LIPC: variants seen among roughly 807,000 people sequenced by gnomAD.
The protein encoded by LIPC is hepatic triacylglycerol lipase.
In LIPC, 44 loss-of-function variants were observed where a neutral mutation model predicts 50.7. That is an observed-to-expected ratio of 0.87 (90% confidence interval 0.68 to 1.11). LIPC has a LOEUF of 1.11. LIPC is among the 50% of genes most tolerant of loss of function. The probability of loss-of-function intolerance (pLI) is 0.00; values close to 1 mark genes in which losing one functional copy is unlikely to be tolerated. For missense variants in LIPC, 697 were observed against 648.2 expected (o/e 1.08, Z -0.82); for synonymous variants, 271 against 256.4 (o/e 1.06, Z -0.54).
intron 1 of LIPC, among the ~76,000 whole-genome samples, chr15:58,511,027 G>A (rs757693657): frequency 3.3e-5 from 5 of 152,270 alleles, no homozygotes; most frequent in Non-Finnish European, 5.9e-5. Flanking sequence ...GTATATTTAC[G>A]GATGAAGAGA....
chr15:58,536,556 T>C (rs1468192013), intron 1 of LIPC, among the ~76,000 whole-genome samples: 3 of 152,092 alleles, frequency 2.0e-5, no homozygotes, highest in Admixed American at 2.0e-4. Context: ...TTTGGACTGA[T>C]CGAGAAGCTG....
rs1478193693 is a variant in LIPC, at chr15:58,548,527, A to G, written c.1006A>G (p.Ser336Gly). 1.2e-6 allele frequency: 2 copies of G among 1,600,138 alleles called. No individual in the cohort carries two copies. Among genetic ancestry groups the G allele is most frequent in the Non-Finnish European group, 8.5e-7 (1 of 1,173,024 alleles). Reference protein sequence around the residue: ...YHVRQEPRSKSKRLFLVTRAQ... With the variant: ...YHVRQEPRSKGKRLFLVTRAQ... Reference sequence around the variant, plus strand: ...CGTCCGCCAGGAGCCGCGGAGCAAGAGCAAGAGGCTCTTCCTCGTAACGCG... The same window carrying G: ...CGTCCGCCAGGAGCCGCGGAGCAAGGGCAAGAGGCTCTTCCTCGTAACGCG... Residue 336 changes from serine (S) to glycine (G), a missense_variant, in exon 6 of 9, where the codon AGC becomes GGC. Physicochemically the swap from Ser to Gly is moderately conservative, Grantham distance 56. Transcript: ENST00000299022.
chr15:58,458,172 G>GA (rs34752323), intron 1 of LIPC, among the ~76,000 whole-genome samples: 39 of 149,968 alleles, frequency 2.6e-4, no homozygotes, highest in African/African-American at 7.6e-4. Context: ...AATTGCTGGA[G>GA]AAAAAAAAAA....
intron 1 of LIPC, chr15:58,456,349 G>C (rs545799440): frequency 2.0e-5 from 3 of 152,352 alleles, no homozygotes; most frequent in African/African-American, 7.2e-5. Context: ...CTGTGTGATA[G>C]TATGATAGCT....
intron 1 of LIPC, among the ~76,000 whole-genome samples, chr15:58,460,563 T>C (rs1455115260): frequency 6.6e-6 from 1 of 152,206 alleles, no homozygotes; most frequent in African/African-American, 2.4e-5. Flanking sequence ...AAGGGAGCTC[T>C]TAGAATAACG....
At position 58,503,836 on chromosome 15, in the gene LIPC, A is replaced by T. The variant is rs148851488; in HGVS notation, c.89-34497A>T. On this transcript the variant is annotated intron_variant, in intron 1 of 8. Transcript: ENST00000299022. ...TAGGCATGCCAGGCAGGTCTCCAGC[A>T]GCCTCTGAGTTTCCAGGCACAGGGC... is the stretch of plus-strand genomic sequence containing the variant. 3.7e-3 allele frequency among the ~76,000 whole-genome samples: 565 copies of T among 152,284 alleles called. 5 individuals are homozygous for T. Among genetic ancestry groups the T allele is most frequent in the African/African-American group, 0.013 (540 of 41,550 alleles).
intron 5 of LIPC, among the ~76,000 whole-genome samples, chr15:58,547,073 T>G (rs2242064): frequency 0.6 from 91,234 of 151,976 alleles, 28,542 homozygotes; most frequent in South Asian, 0.73. Context: ...GGCTTTATTT[T>G]CCTGGTAAAC....
chr15:58,508,510 G>A (rs368162088), intron 1 of LIPC, among the ~76,000 whole-genome samples: 5 of 152,104 alleles, frequency 3.3e-5, no homozygotes, highest in South Asian at 2.1e-4. Context: ...AATACGAAAC[G>A]CCTTTCCTAG....
In LIPC at chr15:58,445,131, GA is replaced by G. The variant is rs542988162; in HGVS notation, c.88+13012del. 8.5e-5 allele frequency among the ~76,000 whole-genome samples: 13 copies of G among 152,332 alleles called. No individual in the cohort carries two copies. The South Asian group carries it at 2.3e-3, about 27-fold the overall frequency. ...GGGGGCTCAGGGAGCCTGGGCTGGG[GA>G]GAGGCATCCTCCCTCTTCAACAGAA... On this transcript the variant is annotated intron_variant, in intron 1 of 8. Coordinates refer to ENST00000299022, the MANE Select transcript of LIPC (RefSeq NM_000236.3).
rs187047187 is a variant in LIPC at position 58,527,000 on chromosome 15, A to T, written c.89-11333A>T. On this transcript the variant is annotated intron_variant, in intron 1 of 8. Transcript: ENST00000299022. ...GCCACTCCACTACCCTGCCTCTGCC[A>T]TTGCTCCCTATGGCAACCTGGAAAC... is the stretch of plus-strand genomic sequence containing the variant. 4.7e-3 allele frequency among the ~76,000 whole-genome samples: 719 copies of T among 152,250 alleles called. 3 individuals carry two copies. Among genetic ancestry groups the T allele is most frequent in the African/African-American group, 0.017 (698 of 41,536 alleles).
intron 1 of LIPC, among the ~76,000 whole-genome samples, chr15:58,441,926 T>A (rs1893521071): frequency 1.3e-5 from 2 of 152,194 alleles, no homozygotes; most frequent in Non-Finnish European, 2.9e-5. Context: ...GGAGGGTCTG[T>A]GCTGCACATG....
intron 1 of LIPC, chr15:58,521,940 G>C (rs1316963824): frequency 6.6e-6 from 1 of 151,374 alleles, no homozygotes; most frequent in Non-Finnish European, 1.5e-5. Flanking sequence ...TTTCCTTCCT[G>C]GTTGTGTGAG....
At chr15:58,515,029 C>T (rs961918868) in intron 1 of LIPC, among the ~76,000 whole-genome samples, 1 of 152,154 alleles carries the variant, frequency 6.6e-6, no homozygotes, top group African/African-American at 2.4e-5. Flanking sequence ...CTTCTAGAGG[C>T]CACCTACGTT....
Position 58,432,131 on chromosome 15 carries a change from G to C in LIPC, c.88+11G>C. 1 of 1,593,588 alleles carries C rather than the reference G, an allele frequency of 6.3e-7. No individual in the cohort carries two copies. Among genetic ancestry groups the C allele is most frequent in the Non-Finnish European group, 8.6e-7 (1 of 1,161,416 alleles). On this transcript the variant is annotated intron_variant, in intron 1 of 8. Coordinates refer to ENST00000299022, the MANE Select transcript of LIPC (RefSeq NM_000236.3). ...AAAGCCTGAAACCAGGTAAGAGCCTGACTTTTCTCCAGAGATGGGCATGAA... is the reference window on the plus strand; with the variant it reads ...AAAGCCTGAAACCAGGTAAGAGCCTCACTTTTCTCCAGAGATGGGCATGAA...
chr15:58,460,709 G>A (rs765715555), intron 1 of LIPC, among the ~76,000 whole-genome samples: 18 of 152,226 alleles, frequency 1.2e-4, no homozygotes, highest in Non-Finnish European at 2.1e-4. Context: ...TTTCCTACTC[G>A]CCATGATGTT....
At chr15:58,490,379 C>T (rs1891545056) in intron 1 of LIPC, among the ~76,000 whole-genome samples, 1 of 152,202 alleles carries the variant, frequency 6.6e-6, no homozygotes, top group African/African-American at 2.4e-5. Flanking sequence ...AGCGTATCTC[C>T]TCCGGCTAAT....
intron 8 of LIPC, chr15:58,565,727 T>C (rs1435702963): frequency 8.1e-6 from 8 of 993,570 alleles, no homozygotes; most frequent in African/African-American, 1.7e-5. Context: ...GTTCCATTAA[T>C]CTGAATTTTC....
At chr15:58,562,110 A>C (rs995199631) in intron 7 of LIPC, among the ~76,000 whole-genome samples, 4 of 152,216 alleles carry the variant, frequency 2.6e-5, no homozygotes, top group Non-Finnish European at 5.9e-5. Flanking sequence ...TCTTTTTGTG[A>C]ACATAAATAA....
intron 5 of LIPC, among the ~76,000 whole-genome samples, chr15:58,547,235 C>T (rs1293402972): frequency 6.6e-6 from 1 of 152,204 alleles, no homozygotes; most frequent in Admixed American, 6.5e-5. Context: ...GTAGTTCTCC[C>T]AGCCACAGCT....
Sources: allele counts gnomAD v4.1 joint callset (sites outside exome capture counted in the v4.1 genomes callset), GRCh38; gene constraint gnomAD v4.1.1; transcripts MANE v1.5; gene names NCBI Gene and HGNC (gene_info 2026-07-23, HGNC 2026-07-21).